The following NAALADL2 variants were observed in gnomAD, a reference collection of about 807,000 sequenced individuals.
NAALADL2 encodes the protein inactive N-acetylated-alpha-linked acidic dipeptidase-like protein 2.
Under a neutral mutation model 87.2 loss-of-function variants are expected in NAALADL2, and 76 were observed. The observed-to-expected ratio is 0.87, with a 90% CI of 0.72 to 1.05. The LOEUF is 1.05. Ranked by LOEUF, NAALADL2 falls within the 50% of genes least tolerant of loss-of-function variation. The probability of loss-of-function intolerance (pLI) is 0.00; values close to 1 mark genes in which losing one functional copy is unlikely to be tolerated. For missense variants in NAALADL2, 1,089 were observed against 945.8 expected, an observed-to-expected ratio of 1.15 and a Z score of -1.99; for synonymous variants, 354 against 331.0, an observed-to-expected ratio of 1.07 and a Z score of -0.75.
intron 5 of NAALADL2, among the ~76,000 whole-genome samples, chr3:175,375,951 T>C (rs1372893762): frequency 1.3e-5 from 2 of 152,116 alleles, no homozygotes; most frequent in Admixed American, 6.5e-5. Flanking sequence ...CTCTGTGGTT[T>C]ACAATATGCA....
At chr3:175,613,031 GCT>G (rs1206597929) in intron 10 of NAALADL2, among the ~76,000 whole-genome samples, 1 of 151,932 alleles carries the variant, frequency 6.6e-6, no homozygotes, top group Non-Finnish European at 1.5e-5. Context: ...AACAGCTAGG[GCT>G]CTGAGACTTT....
intron 5 of NAALADL2, among the ~76,000 whole-genome samples, chr3:175,352,097 CTG>C (rs1763837195): frequency 6.6e-6 from 1 of 151,784 alleles, no homozygotes; most frequent in African/African-American, 2.4e-5. Flanking sequence ...ATGAGGCTCT[CTG>C]TGGATTTCAG....
rs1716720161 is a variant in NAALADL2 at position 175,076,955 on chromosome 3, A to G, written c.44-19835A>G. Among the ~76,000 whole-genome samples the G allele has an allele frequency of 2.6e-5, 4 of 152,210 alleles. No homozygotes were observed. The South Asian group carries it at 8.3e-4, about 32-fold the overall frequency. On this transcript the variant is annotated intron_variant, in intron 1 of 13. Coordinates refer to ENST00000454872, the MANE Select transcript of NAALADL2 (RefSeq NM_207015.3). ...TGATAATTGGCATATGGTGTTCTAT[A>G]ATAATACATAATAACATATGATGAC... is the stretch of plus-strand genomic sequence containing the variant.
intron 11 of NAALADL2, among the ~76,000 whole-genome samples, chr3:175,715,659 C>T (rs570095721): frequency 5.1e-4 from 77 of 151,972 alleles, no homozygotes; most frequent in Non-Finnish European, 8.8e-4. Context: ...GAAGACTACC[C>T]GAGGTGAGGT....
At chr3:175,082,625 G>A (rs1639062793) in intron 1 of NAALADL2, among the ~76,000 whole-genome samples, 1 of 152,120 alleles carries the variant, frequency 6.6e-6, no homozygotes, top group African/African-American at 2.4e-5. Context: ...ATTAATGAAA[G>A]TCAAATGTGA....
chr3:175,182,742 T>C (rs1283623933), intron 2 of NAALADL2, among the ~76,000 whole-genome samples: 1 of 151,654 alleles, frequency 6.6e-6, no homozygotes, highest in Non-Finnish European at 1.5e-5. Context: ...TAGTTTGACA[T>C]AATACCATTT....
chr3:174,598,270 A>AG (rs1194224024), intron 2 of NAALADL2, among the ~76,000 whole-genome samples: 1 of 152,160 alleles, frequency 6.6e-6, no homozygotes, highest in Non-Finnish European at 1.5e-5. Context: ...TATTTTTAAA[A>AG]GGTCTGGTCA....
At chr3:175,470,238 G>C (rs1170302834) in intron 8 of NAALADL2, among the ~76,000 whole-genome samples, 2 of 151,846 alleles carry the variant, frequency 1.3e-5, no homozygotes, top group African/African-American at 4.8e-5. Context: ...GTTTCAGCCT[G>C]GGGTATGGAG....
chr3:175,117,770 A>G (rs939451319), intron 2 of NAALADL2, among the ~76,000 whole-genome samples: 1 of 152,132 alleles, frequency 6.6e-6, no homozygotes, highest in African/African-American at 2.4e-5. Context: ...TACTGGATAT[A>G]TACTCAAAGG....
At chr3:175,216,866 A>T (rs1742633136) in intron 2 of NAALADL2, among the ~76,000 whole-genome samples, 1 of 151,642 alleles carries the variant, frequency 6.6e-6, no homozygotes, top group African/African-American at 2.4e-5. Context: ...ATGGTGTTAA[A>T]CCATGTTGGC....
intron 2 of NAALADL2, among the ~76,000 whole-genome samples, chr3:174,726,101 C>G (rs527664972): frequency 1.3e-5 from 2 of 152,254 alleles, no homozygotes; most frequent in East Asian, 3.9e-4. Context: ...TGATGGTTTT[C>G]TAATTGCTAA....
At chr3:174,657,065 C>T (rs1480558545) in intron 2 of NAALADL2, among the ~76,000 whole-genome samples, 5 of 123,030 alleles carry the variant, frequency 4.1e-5, no homozygotes, top group East Asian at 2.1e-4. Flanking sequence ...TTTTTTGCTC[C>T]GTTGCCTAGA....
intron 13 of NAALADL2, chr3:175,774,836 C>A (rs1448205680): frequency 1.3e-5 from 2 of 151,984 alleles, no homozygotes; most frequent in Non-Finnish European, 2.9e-5. Flanking sequence ...TATATTGATT[C>A]ATGTTGAAAT....
At chr3:175,061,800 A>G (rs10049300) in intron 1 of NAALADL2, among the ~76,000 whole-genome samples, 37,799 of 150,380 alleles carry the variant, frequency 0.25, 7,615 homozygotes, top group African/African-American at 0.56. Flanking sequence ...CCATGAGCTT[A>G]TGCCTATGTA....
chr3:174,725,169 T>G (rs2108963791), intron 2 of NAALADL2, among the ~76,000 whole-genome samples: 1 of 152,308 alleles, frequency 6.6e-6, no homozygotes, highest in Middle Eastern at 3.4e-3. Flanking sequence ...TCCACTTCCC[T>G]TAGTGGAAAG....
chr3:174,874,037 G>A (rs1434940814), intron 1 of NAALADL2, among the ~76,000 whole-genome samples: 1 of 152,014 alleles, frequency 6.6e-6, no homozygotes, highest in Non-Finnish European at 1.5e-5. Flanking sequence ...AGTTACTGGA[G>A]TGCTGTTTTT....
chr3:175,134,368 G>T (rs1728752503), intron 2 of NAALADL2, among the ~76,000 whole-genome samples: 1 of 152,158 alleles, frequency 6.6e-6, no homozygotes, highest in African/African-American at 2.4e-5. Flanking sequence ...AAAGTGTGAT[G>T]ATACTAGTTG....
chr3:175,000,287 A>G (rs1454903302), intron 1 of NAALADL2, among the ~76,000 whole-genome samples: 1 of 152,238 alleles, frequency 6.6e-6, no homozygotes, highest in Non-Finnish European at 1.5e-5. Flanking sequence ...ATAGAAGTAT[A>G]TGCAAGTCTA....
chr3:174,591,629 G>A (rs1180740860), intron 2 of NAALADL2, among the ~76,000 whole-genome samples: 1 of 152,098 alleles, frequency 6.6e-6, no homozygotes, highest in Non-Finnish European at 1.5e-5. Flanking sequence ...CACACTTAAA[G>A]GCCATTGCAG....
Sources: gnomAD v4.1 joint callset for allele counts (sites outside exome capture counted in the v4.1 genomes callset) on GRCh38, gnomAD v4.1.1 for gene constraint, MANE v1.5 for transcripts, NCBI Gene and HGNC (gene_info 2026-07-23, HGNC 2026-07-21) for gene names.